USH2A: variants seen among roughly 807,000 people sequenced by gnomAD.
The protein encoded by USH2A is Usher syndrome 2A (autosomal recessive, mild).
USH2A carries 443 observed loss-of-function variants against 538.9 expected under a neutral mutation model. The ratio of observed to expected loss-of-function variants is 0.82; its 90% CI spans 0.76 to 0.89. The LOEUF (loss-of-function observed/expected upper bound fraction) is 0.89, where lower values mean the gene tolerates loss of function less well. USH2A is among the 40% of genes least tolerant of loss of function. The probability of loss-of-function intolerance (pLI) is 0.00; values close to 1 mark genes in which losing one functional copy is unlikely to be tolerated. For synonymous variants in USH2A, 2,413 were observed against 2,273.5 expected, an observed-to-expected ratio of 1.06 and a Z score of -1.75; for missense variants, 6,633 against 6,324.8, an observed-to-expected ratio of 1.05 and a Z score of -1.65.
intron 55 of USH2A, among the ~76,000 whole-genome samples, chr1:215,773,484 G>A (rs1036099452): frequency 8.9e-6 from 1 of 112,284 alleles, no homozygotes; most frequent in South Asian, 2.8e-4. Flanking sequence ...ATGTCTCTCT[G>A]TCTCTCTGTC....
intron 47 of USH2A, among the ~76,000 whole-genome samples, chr1:215,819,492 T>C (rs1452351910): frequency 2.6e-5 from 4 of 151,834 alleles, no homozygotes; most frequent in Non-Finnish European, 5.9e-5. Flanking sequence ...GAAATTAATG[T>C]CACCTATGAG....
intron 38 of USH2A, among the ~76,000 whole-genome samples, chr1:215,927,741 C>A (rs1666269720): frequency 6.6e-6 from 1 of 151,882 alleles, no homozygotes; most frequent in African/African-American, 2.4e-5. Flanking sequence ...TGTGACAAGC[C>A]TGCACATGTA....
chr1:216,156,295 C>CTTTTTTTTTTTTTTTTT (rs35698520), intron 21 of USH2A, among the ~76,000 whole-genome samples: 16 of 105,520 alleles, frequency 1.5e-4, no homozygotes, highest in Non-Finnish European at 2.4e-4. Flanking sequence ...TTTTTTTTTT[C>CTTTTTTTTTTTTTTTTT]TTTTTTTTTT....
chr1:216,314,430 T>C lies in USH2A; in HGVS notation c.1644+7453A>G, dbSNP rs752025126. Among the ~76,000 whole-genome samples the C allele has an allele frequency of 4.6e-5, 7 of 151,960 alleles. No individual in the cohort carries two copies. Among genetic ancestry groups the C allele is most frequent in the Non-Finnish European group, 8.8e-5 (6 of 67,960 alleles). ...GTTATATAAAAATGAATTAATTTAC[T>C]AGCATTACAATAATTAAAATATAAA... On this transcript the variant is annotated intron_variant, in intron 9 of 71. Transcript: ENST00000307340.
intron 37 of USH2A, among the ~76,000 whole-genome samples, chr1:215,962,539 A>G (rs1235324050): frequency 6.6e-6 from 1 of 152,020 alleles, no homozygotes; most frequent in Non-Finnish European, 1.5e-5. Context: ...ATTAAGATGG[A>G]AAAAAAGCAT....
chr1:215,920,753 A>T (rs1417704537), intron 38 of USH2A, among the ~76,000 whole-genome samples: 1 of 152,090 alleles, frequency 6.6e-6, no homozygotes, highest in East Asian at 1.9e-4. Flanking sequence ...AGTCTAAGAT[A>T]CACGCTTACT....
intron 23 of USH2A, among the ~76,000 whole-genome samples, chr1:216,088,264 A>G (rs1234289096): frequency 6.6e-6 from 1 of 152,034 alleles, no homozygotes; most frequent in African/African-American, 2.4e-5. Context: ...GCACATACAC[A>G]CACAACTTTC....
At chr1:216,297,553 A>C (rs1028263897) in intron 9 of USH2A, among the ~76,000 whole-genome samples, 2 of 152,130 alleles carry the variant, frequency 1.3e-5, no homozygotes, top group African/African-American at 4.8e-5. Context: ...AGGAGGAAAA[A>C]GAAGGAAGAG....
chr1:216,217,544 C>T lies in USH2A; in HGVS notation c.3000G>A (p.Gln1000=). ...FGFDPQTGRC[Q]PCNCHLSGAL... The stretch of plus-strand genomic sequence containing the variant: ...CTCCTGAGAGATGACAATTACAAGG[C>T]TGACATCTGAAAACAAGGCAAATAA... Residue 1000 remains glutamine (Q), a synonymous_variant, in exon 15 of 72, where the codon CAG becomes CAA. Coordinates refer to ENST00000307340, the MANE Select transcript of USH2A (RefSeq NM_206933.4). 1 of 1,612,902 alleles carries T rather than the reference C, an allele frequency of 6.2e-7. No homozygotes were observed. The highest frequency in any genetic ancestry group is 1.3e-5 in the African/African-American group (1 of 74,990).
chr1:216,064,866 A>G (rs1177691387), intron 30 of USH2A, among the ~76,000 whole-genome samples: 1 of 152,208 alleles, frequency 6.6e-6, no homozygotes, highest in Non-Finnish European at 1.5e-5. Flanking sequence ...AAATCTCCTA[A>G]TGACACATTT....
At chr1:216,391,386 T>C (rs2039104074) in intron 3 of USH2A, among the ~76,000 whole-genome samples, 1 of 152,216 alleles carries the variant, frequency 6.6e-6, no homozygotes. Flanking sequence ...CAACTGGTCA[T>C]AGATGCCCCA....
At chr1:215,980,848 C>T (rs1476944536) in intron 35 of USH2A, among the ~76,000 whole-genome samples, 1 of 151,992 alleles carries the variant, frequency 6.6e-6, no homozygotes, top group East Asian at 1.9e-4. Flanking sequence ...TTTATTTATT[C>T]TACTCTTGAT....
At position 216,000,472 on chromosome 1, in the gene USH2A, G is replaced by A. The variant is rs1235098752; in HGVS notation, c.6416C>T (p.Ala2139Val). 1.9e-6 allele frequency: 3 copies of A among 1,613,584 alleles called. No homozygotes were observed. Among genetic ancestry groups the A allele is most frequent in the African/African-American group, 1.3e-5 (1 of 74,888 alleles). ...TNSSWVLLYT[A>V]QLPPEHVDSP... is the part of the protein sequence containing the mutation. ...ATCCACGTGTTCTGGTGGCAGCTGT[G>A]CTGTGTACAGTAGGACCCAGGAACT... is the stretch of plus-strand genomic sequence containing the variant. Residue 2139 changes from alanine (A) to valine (V), a missense_variant, in exon 33 of 72, where the codon GCA (alanine) becomes GTA (valine). Ala to Val is a moderately conservative substitution (Grantham distance 64). Coordinates refer to ENST00000307340, the MANE Select transcript of USH2A (RefSeq NM_206933.4).
chr1:216,000,626 C>A (rs568425310), intron 32 of USH2A, 64 bp from the exon 33 acceptor site: 1 of 1,581,962 alleles, frequency 6.3e-7, no homozygotes, highest in Non-Finnish European at 8.7e-7. Flanking sequence ...AGATTTCACT[C>A]CTCCACTATA....
chr1:215,760,693 T>C (rs1413610090), intron 56 of USH2A, among the ~76,000 whole-genome samples: 2 of 152,166 alleles, frequency 1.3e-5, no homozygotes, highest in African/African-American at 4.8e-5. Flanking sequence ...CACACAAAAA[T>C]AATGATCCCT....
intron 47 of USH2A, among the ~76,000 whole-genome samples, chr1:215,825,041 T>C (rs1255969688): frequency 1.3e-5 from 2 of 152,286 alleles, no homozygotes; most frequent in Non-Finnish European, 1.5e-5. Context: ...TGCTTCTATG[T>C]CATCATTTTG....
rs773734876 is a variant in USH2A at position 216,000,522 on chromosome 1, T to C, written c.6366A>G (p.Ala2122=). Reference sequence around the variant, plus strand: ...TGTTTGTACAGCCCACATGTGTGCATGCACTTAGTAGAAACTGGTGGGGTG... The same window carrying C: ...TGTTTGTACAGCCCACATGTGTGCACGCACTTAGTAGAAACTGGTGGGGTG... The part of the protein sequence containing the change: ...VFTPHQFLLS[A]CTHVGCTNSS... Residue 2122 remains alanine (A), a synonymous_variant, in exon 33 of 72, where the codon GCA becomes GCG. Transcript: ENST00000307340. 60 of 1,613,664 alleles carry C rather than the reference T, an allele frequency of 3.7e-5. No individual in the cohort carries two copies. The highest frequency in any genetic ancestry group is 4.7e-5 in the Non-Finnish European group (55 of 1,179,684).
At chr1:216,346,097 T>C (rs1057340017) in intron 4 of USH2A, among the ~76,000 whole-genome samples, 1 of 152,218 alleles carries the variant, frequency 6.6e-6, no homozygotes, top group African/African-American at 2.4e-5. Flanking sequence ...TTCCCCTCAA[T>C]GGTCTGTCTT....
intron 37 of USH2A, among the ~76,000 whole-genome samples, chr1:215,957,368 T>C (rs973357185): frequency 6.6e-6 from 1 of 152,176 alleles, no homozygotes; most frequent in Non-Finnish European, 1.5e-5. Context: ...TTTAATTTCT[T>C]CTAAGTCTCT....
Sources: allele counts gnomAD v4.1 joint callset (sites outside exome capture counted in the v4.1 genomes callset), GRCh38; gene constraint gnomAD v4.1.1; transcripts MANE v1.5; gene names NCBI Gene and HGNC (gene_info 2026-07-23, HGNC 2026-07-21).